Variants in DTNB observed in about 807,000 individuals in gnomAD.
The protein encoded by DTNB is dystrobrevin beta, also known as DTN-B.
DTNB carries 63 observed loss-of-function variants against 90.7 expected under a neutral mutation model. The observed-to-expected ratio is 0.69, with a 90% CI of 0.57 to 0.86. DTNB has a LOEUF of 0.86. DTNB is among the 40% of genes least tolerant of loss of function. The probability of loss-of-function intolerance (pLI) is 0.00; values close to 1 mark genes in which losing one functional copy is unlikely to be tolerated. For missense variants in DTNB, 744 were observed against 807.1 expected (o/e 0.92, Z 0.95); for synonymous variants, 277 against 286.7 (o/e 0.97, Z 0.34).
intron 6 of DTNB, among the ~76,000 whole-genome samples, chr2:25,582,863 A>G (rs1168200204): frequency 2.0e-5 from 3 of 152,226 alleles, no homozygotes; most frequent in Non-Finnish European, 2.9e-5. Flanking sequence ...ATTAAAAACC[A>G]TAAAGCCACC....
chr2:25,619,479 A>C (rs1431991754), intron 4 of DTNB, among the ~76,000 whole-genome samples: 1 of 152,236 alleles, frequency 6.6e-6, no homozygotes, highest in African/African-American at 2.4e-5. Context: ...AATATTATTC[A>C]ATTTTATCAC....
At chr2:25,412,812 C>T (rs1043381251) in intron 16 of DTNB, among the ~76,000 whole-genome samples, 4 of 152,162 alleles carry the variant, frequency 2.6e-5, no homozygotes, top group African/African-American at 9.7e-5. Context: ...CCTAGATGAA[C>T]TTGTACATCT....
intron 16 of DTNB, among the ~76,000 whole-genome samples, chr2:25,391,933 A>G (rs1030749352): frequency 6.6e-6 from 1 of 152,194 alleles, no homozygotes. Context: ...GCTAAGAGGA[A>G]AGTTCATAGC....
intron 8 of DTNB, among the ~76,000 whole-genome samples, chr2:25,539,678 C>G (rs2080734915): frequency 6.6e-6 from 1 of 150,468 alleles, no homozygotes; most frequent in Admixed American, 6.7e-5. Context: ...TATTATGAGG[C>G]TTGTTTCTCA....
intron 10 of DTNB, 43 bp from the exon 11 acceptor site, chr2:25,455,537 C>T (rs1402632376): frequency 6.7e-7 from 1 of 1,498,192 alleles, no homozygotes; most frequent in East Asian, 2.3e-5. Flanking sequence ...GACACAAACA[C>T]ATACAGAGGG....
chr2:25,577,028 G>A, intron 7 of DTNB, 24 bp from the exon 8 acceptor site: 1 of 1,561,360 alleles, frequency 6.4e-7, no homozygotes, highest in Non-Finnish European at 8.7e-7. Flanking sequence ...GAGAAAAGGG[G>A]AGAAAAAAGG....
At chr2:25,599,499 G>A (rs535167770) in intron 5 of DTNB, among the ~76,000 whole-genome samples, 84 of 151,802 alleles carry the variant, frequency 5.5e-4, no homozygotes, top group African/African-American at 2.0e-3. Context: ...CCGCCACCAT[G>A]CCCAGCTAAT....
In DTNB at chr2:25,387,149, T is replaced by C; in HGVS notation, c.1825+140A>G. 1.4e-6 allele frequency: 1 copy of C among 726,758 alleles called. No homozygotes were observed. Among genetic ancestry groups the C allele is most frequent in the Admixed American group, 2.5e-5 (1 of 40,206 alleles). The allele number at this position is 726,758 out of a possible 1,614,324, so 45.0% of individuals were successfully genotyped here. Reference sequence around the variant, plus strand: ...TCTCTGGGTGGAGACATCCAGTGTGTTCCTAGAAGGCAAAGTTAGGTGATG... The same window carrying C: ...TCTCTGGGTGGAGACATCCAGTGTGCTCCTAGAAGGCAAAGTTAGGTGATG... On this transcript the variant is annotated intron_variant, in intron 18 of 20. Transcript: ENST00000406818. The surrounding 1 kb of genome is among the most constrained non-coding windows in gnomAD (Gnocchi z 4.5).
At chr2:25,440,157 G>T (rs944190059) in intron 12 of DTNB, among the ~76,000 whole-genome samples, 2 of 152,222 alleles carry the variant, frequency 1.3e-5, no homozygotes, top group Non-Finnish European at 2.9e-5. Context: ...AGCATAGCAG[G>T]TATACTGGAA....
rs1208045039 is a variant in DTNB, at chr2:25,673,464, C to A, written c.-80G>T. 1 of 151,114 alleles carries A rather than the reference C, an allele frequency of 6.6e-6. No homozygotes were observed. The highest frequency in any genetic ancestry group is 1.5e-5 in the Non-Finnish European group (1 of 67,678). 9.4% of individuals were successfully genotyped at this position (151,114 alleles called of 1,614,324 possible). A position where few individuals can be genotyped will look rare whatever the true frequency, so the allele number is the denominator to read the frequency against. ...CACTCCTCCGCACGCTCCGGCCCAG[C>A]CCCCTCGGCTGAGGCAGCGGCAGCG... On this transcript the variant is annotated 5_prime_UTR_variant, in exon 1 of 21. Transcript: ENST00000406818.
intron 6 of DTNB, among the ~76,000 whole-genome samples, chr2:25,592,369 G>T (rs1403877188): frequency 6.6e-6 from 1 of 152,088 alleles, no homozygotes; most frequent in Non-Finnish European, 1.5e-5. Context: ...GTTTTATTAA[G>T]AAACCACCAG....
chr2:25,416,569 G>A (rs939646687), intron 16 of DTNB, among the ~76,000 whole-genome samples: 1 of 152,158 alleles, frequency 6.6e-6, no homozygotes, highest in African/African-American at 2.4e-5. Context: ...GGGAGGCTAA[G>A]GCAAGAGAAT....
chr2:25,641,047 G>A (rs2078195316), intron 2 of DTNB, among the ~76,000 whole-genome samples: 2 of 151,938 alleles, frequency 1.3e-5, no homozygotes, highest in African/African-American at 4.8e-5. Context: ...AGCTCCATAC[G>A]CTCCAGCCAA....
chr2:25,644,148 T>C (rs754591444), intron 2 of DTNB, among the ~76,000 whole-genome samples: 2 of 152,212 alleles, frequency 1.3e-5, no homozygotes, highest in African/African-American at 4.8e-5. Flanking sequence ...CCAGCAGCCC[T>C]TGTGGCTACT....
intron 1 of DTNB, among the ~76,000 whole-genome samples, chr2:25,654,249 C>T (rs2081616784): frequency 6.6e-6 from 1 of 152,200 alleles, no homozygotes; most frequent in Non-Finnish European, 1.5e-5. Context: ...TCTAGGTGAG[C>T]TCTGTCATAA....
rs886542678 is a variant in DTNB, at chr2:25,655,196, G to T, written c.-1-2535C>A. Reference sequence around the variant, plus strand: ...GCAAATTACAAAGATTGAATTCACAGTCCTGACAAGATTCTTCTGAACCTT... The same window carrying T: ...GCAAATTACAAAGATTGAATTCACATTCCTGACAAGATTCTTCTGAACCTT... On this transcript the variant is annotated intron_variant, in intron 1 of 20. Transcript: ENST00000406818. Among the ~76,000 whole-genome samples, 5 of 152,336 alleles carry T rather than the reference G, an allele frequency of 3.3e-5. No homozygotes were observed. In the East Asian group the frequency reaches 5.8e-4, roughly 18 times the overall value.
chr2:25,606,266 C>A (rs540705491), intron 5 of DTNB, among the ~76,000 whole-genome samples: 1 of 152,140 alleles, frequency 6.6e-6, no homozygotes, highest in East Asian at 1.9e-4. Context: ...TACCACACTA[C>A]CACACTACCT....
rs550331587 is a variant in DTNB at position 25,496,145 on chromosome 2, A to G, written c.1002-13272T>C. On this transcript the variant is annotated intron_variant, in intron 9 of 20. Transcript: ENST00000406818. ...TGAGACAATAGTTATTAACTATAAC[A>G]AATTAACTATTTAACAGTATTGCTC... Among the ~76,000 whole-genome samples the G allele has an allele frequency of 2.0e-5, 3 of 152,372 alleles. No individual in the cohort carries two copies. The South Asian group carries it at 6.2e-4, about 32-fold the overall frequency.
At chr2:25,426,947 GGGTGGATCACCT>G (rs1440081543) in intron 15 of DTNB, among the ~76,000 whole-genome samples, 1 of 152,142 alleles carries the variant, frequency 6.6e-6, no homozygotes, top group East Asian at 1.9e-4. Context: ...AGGCTGAAGT[GGGTGGATCACCT>G]GAGGTCAGGA....
Sources: gnomAD v4.1 joint callset for allele counts (sites outside exome capture counted in the v4.1 genomes callset) on GRCh38, gnomAD v4.1.1 for gene constraint, Gnocchi (gnomAD v3.1) non-coding constraint, MANE v1.5 for transcripts, NCBI Gene and HGNC (gene_info 2026-07-23, HGNC 2026-07-21) for gene names.